The following ARID1B variants were observed in gnomAD, a reference collection of about 807,000 sequenced individuals.
The protein encoded by ARID1B is AT-rich interactive domain-containing protein 1B.
Under a neutral mutation model 212.3 loss-of-function variants are expected in ARID1B, and 30 were observed. The observed-to-expected ratio is 0.14, with a 90% CI of 0.11 to 0.19. The LOEUF (loss-of-function observed/expected upper bound fraction) is 0.19. ARID1B is among the 10% of genes least tolerant of loss of function. The probability of loss-of-function intolerance (pLI) is 1.00; values close to 1 mark genes in which losing one functional copy is unlikely to be tolerated. For missense variants in ARID1B, 2,891 were observed against 3,204.0 expected (o/e 0.90, Z 2.36); for synonymous variants, 1,402 against 1,301.7 (o/e 1.08, Z -1.66).
chr6:156,895,070 T>G (rs1788273699), intron 2 of ARID1B, among the ~76,000 whole-genome samples: 1 of 152,240 alleles, frequency 6.6e-6, no homozygotes, highest in Non-Finnish European at 1.5e-5. Context: ...ATCTTGGATG[T>G]AAAGGTGGAC....
intron 9 of ARID1B, chr6:157,172,760 A>G (rs1388626607): frequency 1.3e-5 from 2 of 152,170 alleles, no homozygotes; most frequent in South Asian, 2.1e-4. Flanking sequence ...AATATGTGCA[A>G]TAATCATTTT....
intron 4 of ARID1B, among the ~76,000 whole-genome samples, chr6:156,968,139 A>G (rs1310634974): frequency 6.6e-6 from 1 of 152,152 alleles, no homozygotes; most frequent in Non-Finnish European, 1.5e-5. Context: ...TAAGCACCTC[A>G]CCTGGACTCT....
chr6:157,197,453 G>T (rs1303567448), intron 16 of ARID1B, among the ~76,000 whole-genome samples: 1 of 152,160 alleles, frequency 6.6e-6, no homozygotes, highest in East Asian at 1.9e-4. Flanking sequence ...AAAAATCACG[G>T]CTTTACCAAA....
intron 1 of ARID1B, among the ~76,000 whole-genome samples, chr6:156,822,291 A>T (rs533302783): frequency 6.6e-6 from 1 of 152,262 alleles, no homozygotes; most frequent in Non-Finnish European, 1.5e-5. Context: ...AAGTCTTAAT[A>T]AGCAGGCAGT....
chr6:157,045,243 T>G (rs1368079023), intron 4 of ARID1B, among the ~76,000 whole-genome samples: 1 of 152,214 alleles, frequency 6.6e-6, no homozygotes, highest in African/African-American at 2.4e-5. Flanking sequence ...ATTAATTCAT[T>G]GATTTGCCTA....
upstream of ARID1B, chr6:156,776,868 G>A (rs1324754229): frequency 6.6e-6 from 1 of 152,282 alleles, no homozygotes; most frequent in African/African-American, 2.4e-5. Context: ...GCAGTTGGAA[G>A]AAGTTGTGGG....
At chr6:156,996,350 A>C (rs143103633) in intron 4 of ARID1B, among the ~76,000 whole-genome samples, 1 of 152,284 alleles carries the variant, frequency 6.6e-6, no homozygotes, top group East Asian at 1.9e-4. Context: ...AGTATTCTGA[A>C]ATGTCCCCAG....
intron 2 of ARID1B, among the ~76,000 whole-genome samples, chr6:156,832,476 C>T (rs1000922568): frequency 6.6e-6 from 1 of 152,166 alleles, no homozygotes; most frequent in East Asian, 1.9e-4. Context: ...GCTTCCAGAA[C>T]GTTCTGTGTT....
chr6:156,902,735 CAAAAAAAAA>C lies in ARID1B; in HGVS notation c.2136+1229_2136+1237del, dbSNP rs869259426. On this transcript the variant is annotated intron_variant, in intron 3 of 19. Coordinates refer to ENST00000636930, the MANE Select transcript of ARID1B (RefSeq NM_001374828.1). ...CTTGCAACAGAGTGAGACTCTGTCT[CAAAAAAAAA>C]AAAAAAAAAAAAAAAAAAGTAACAT... Among the ~76,000 whole-genome samples the C allele has an allele frequency of 4.2e-4, 26 of 61,678 alleles. No homozygotes were observed. The East Asian group carries it at 4.7e-3, about 11-fold the overall frequency. 40.5% of individuals were successfully genotyped at this position (61,678 alleles called of 152,430 possible).
intron 3 of ARID1B, among the ~76,000 whole-genome samples, chr6:156,903,344 A>G (rs1352027351): frequency 6.6e-6 from 1 of 152,236 alleles, no homozygotes; most frequent in African/African-American, 2.4e-5. Flanking sequence ...TATAACCATG[A>G]CTTTTTAAAG....
intron 5 of ARID1B, among the ~76,000 whole-genome samples, chr6:157,090,194 C>T (rs1314536960): frequency 6.6e-6 from 1 of 152,164 alleles, no homozygotes; most frequent in Non-Finnish European, 1.5e-5. Flanking sequence ...TCAGCTTTTC[C>T]TCCATGTGCT....
At chr6:157,117,982 TCCCCAA>T (rs1379523426) in intron 6 of ARID1B, among the ~76,000 whole-genome samples, 1 of 152,148 alleles carries the variant, frequency 6.6e-6, no homozygotes, top group Non-Finnish European at 1.5e-5. Flanking sequence ...CTGAGTCCCC[TCCCCAA>T]CCCCAGCCGT....
rs369035728 is a variant in ARID1B at position 157,190,041 on chromosome 6, C to G, written c.4062C>G (p.Ser1354Arg). ...GQMTPMQGGR[S>R]STISVHDPFS... ...TTCATTCTTTGCCTCTCTTCAGAAG[C>G]AGTACAATCAGTGTGCACGACCCAT... The change falls in exon 15 of 20, where the codon AGC becomes AGG. Residue 1354 changes from serine to arginine, a missense_variant. Ser to Arg is a moderately radical substitution (Grantham distance 110). Transcript: ENST00000636930. The surrounding 1 kb of genome is among the most constrained non-coding windows in gnomAD (Gnocchi z 4.6). 2 of 1,613,574 alleles carry G rather than the reference C, an allele frequency of 1.2e-6. No homozygotes were observed. The highest frequency in any genetic ancestry group is 1.7e-6 in the Non-Finnish European group (2 of 1,179,752).
chr6:157,113,829 G>T (rs549346377), intron 6 of ARID1B, among the ~76,000 whole-genome samples: 44 of 152,312 alleles, frequency 2.9e-4, no homozygotes, highest in Middle Eastern at 3.4e-3. Flanking sequence ...AAGATGCTTT[G>T]CCTTGCATGA....
intron 6 of ARID1B, 54 bp downstream of exon 6, chr6:157,110,615 G>A (rs545602782): frequency 1.9e-5 from 29 of 1,548,194 alleles, no homozygotes; most frequent in Admixed American, 8.3e-5. Flanking sequence ...GCGATAAGGC[G>A]TACGTGAGTT....
chr6:156,853,531 G>T (rs956968952), intron 2 of ARID1B, among the ~76,000 whole-genome samples: 1 of 151,964 alleles, frequency 6.6e-6, no homozygotes, highest in Non-Finnish European at 1.5e-5. Context: ...GCTTTTTGTG[G>T]TGGAAGAGGG....
intron 4 of ARID1B, among the ~76,000 whole-genome samples, chr6:157,062,734 G>A (rs1176274973): frequency 2.1e-5 from 3 of 140,180 alleles, no homozygotes; most frequent in African/African-American, 5.3e-5. Flanking sequence ...ATGGAGTTTT[G>A]TTTTTGTTGC....
At chr6:156,892,706 A>G (rs1225468447) in intron 2 of ARID1B, among the ~76,000 whole-genome samples, 1 of 152,148 alleles carries the variant, frequency 6.6e-6, no homozygotes. Flanking sequence ...ATATCCCACA[A>G]TCATTGTTAT....
chr6:156,888,089 A>G (rs1036670721), intron 2 of ARID1B, among the ~76,000 whole-genome samples: 1 of 152,190 alleles, frequency 6.6e-6, no homozygotes, highest in African/African-American at 2.4e-5. Flanking sequence ...TGCGGTTACA[A>G]AGTTGACATT....
Sources: gnomAD v4.1 joint callset for allele counts (sites outside exome capture counted in the v4.1 genomes callset) on GRCh38, gnomAD v4.1.1 for gene constraint, Gnocchi (gnomAD v3.1) non-coding constraint, MANE v1.5 for transcripts, NCBI Gene and HGNC (gene_info 2026-07-23, HGNC 2026-07-21) for gene names.